Variants in KIAA2012 observed in about 807,000 individuals in gnomAD.
The protein encoded by KIAA2012 is uncharacterized protein KIAA2012.
In KIAA2012, 125 loss-of-function variants were observed where a neutral mutation model predicts 150.6. The ratio of observed to expected loss-of-function variants is 0.83; its 90% CI spans 0.72 to 0.96. The LOEUF (loss-of-function observed/expected upper bound fraction) is 0.96, where lower values mean the gene tolerates loss of function less well. KIAA2012 is among the 40% of genes least tolerant of loss of function. The pLI is 0.00. For synonymous variants in KIAA2012, 462 were observed against 504.7 expected, an observed-to-expected ratio of 0.92 and a Z score of 1.13; for missense variants, 1,219 against 1,354.9, an observed-to-expected ratio of 0.90 and a Z score of 1.57.
chr2:202,168,792 C>A (rs1192701595), intron 15 of KIAA2012, among the ~76,000 whole-genome samples: 1 of 152,118 alleles, frequency 6.6e-6, no homozygotes, highest in African/African-American at 2.4e-5. Context: ...GGGAACCCTG[C>A]ATGAGGTGCA....
intron 21 of KIAA2012, among the ~76,000 whole-genome samples, chr2:202,195,655 A>G (rs1692399863): frequency 6.6e-6 from 1 of 152,200 alleles, no homozygotes; most frequent in Non-Finnish European, 1.5e-5. Context: ...AGTAGTCTTT[A>G]ACCAACCTCT....
At chr2:202,184,250 G>A (rs1692180241) in intron 15 of KIAA2012, among the ~76,000 whole-genome samples, 2 of 152,002 alleles carry the variant, frequency 1.3e-5, no homozygotes, top group Non-Finnish European at 2.9e-5. Flanking sequence ...CGGGTGTGGT[G>A]GCACACACCT....
intron 2 of KIAA2012, among the ~76,000 whole-genome samples, chr2:202,080,876 T>A (rs1689437002): frequency 6.6e-6 from 1 of 152,200 alleles, no homozygotes; most frequent in South Asian, 2.1e-4. Flanking sequence ...TTAACCATTT[T>A]AGATGTACAG....
chr2:202,081,868 T>C (rs1689458191), intron 2 of KIAA2012, among the ~76,000 whole-genome samples: 1 of 152,148 alleles, frequency 6.6e-6, no homozygotes, highest in South Asian at 2.1e-4. Context: ...TATTTGATAA[T>C]AACCAGATCC....
At chr2:202,133,130 A>ATATATATTTTTTTTTTTTTT (rs1279080237) in intron 12 of KIAA2012, among the ~76,000 whole-genome samples, 2 of 67,778 alleles carry the variant, frequency 3.0e-5, no homozygotes, top group Non-Finnish European at 5.8e-5. Context: ...ATATATATAT[A>ATATATATTTTTTTTTTTTTT]TTTTTTTTTT....
chr2:202,122,574 C>T (rs928340442), intron 11 of KIAA2012, among the ~76,000 whole-genome samples: 2 of 149,886 alleles, frequency 1.3e-5, no homozygotes, highest in Non-Finnish European at 2.9e-5. Context: ...GATCTCGGCT[C>T]ACTGCAGCTT....
At chr2:202,128,918 A>G (rs1690860100) in intron 12 of KIAA2012, among the ~76,000 whole-genome samples, 3 of 152,146 alleles carry the variant, frequency 2.0e-5, no homozygotes, top group African/African-American at 4.8e-5. Context: ...TGCTAAGGGA[A>G]TAGATATAAC....
chr2:202,109,485 A>G lies in KIAA2012; in HGVS notation c.1475-128A>G, dbSNP rs1690289205. 9.4e-6 allele frequency: 7 copies of G among 748,334 alleles called. No homozygotes were observed. In the East Asian group the frequency reaches 1.4e-4, roughly 15 times the overall value. 46.4% of individuals were successfully genotyped at this position (748,334 alleles called of 1,614,324 possible). A position where few individuals can be genotyped will look rare whatever the true frequency, so the allele number is the denominator to read the frequency against. On this transcript the variant is annotated intron_variant, in intron 9 of 23. Coordinates refer to ENST00000498697, the MANE Select transcript of KIAA2012 (RefSeq NM_001277372.4). ...GGACAATTTCTCCCTTCTAGCCACA[A>G]TACAATTACCAGTTCTTCATAGCAG...
intron 16 of KIAA2012, among the ~76,000 whole-genome samples, chr2:202,185,620 A>T (rs1692212223): frequency 6.6e-6 from 1 of 152,176 alleles, no homozygotes; most frequent in South Asian, 2.1e-4. Flanking sequence ...CTCCACCAAA[A>T]AACACAAAAA....
chr2:202,130,522 A>C (rs1429781296), intron 12 of KIAA2012, among the ~76,000 whole-genome samples: 1 of 152,214 alleles, frequency 6.6e-6, no homozygotes, highest in African/African-American at 2.4e-5. Flanking sequence ...CTTCTGTCAG[A>C]GTGATCAAAA....
At chr2:202,173,109 T>G (rs1691926483) in intron 15 of KIAA2012, among the ~76,000 whole-genome samples, 1 of 152,240 alleles carries the variant, frequency 6.6e-6, no homozygotes, top group African/African-American at 2.4e-5. Context: ...CAGCCCAGAC[T>G]GGGGAAGTCC....
intron 2 of KIAA2012, among the ~76,000 whole-genome samples, chr2:202,079,116 AAATAT>A (rs1358484080): frequency 1.3e-5 from 2 of 152,174 alleles, no homozygotes; most frequent in Admixed American, 1.3e-4. Flanking sequence ...TCTTTTTACC[AAATAT>A]ATTTTTTAAA....
chr2:202,076,684 G>A (rs1176265966), intron 2 of KIAA2012, among the ~76,000 whole-genome samples: 3 of 152,162 alleles, frequency 2.0e-5, no homozygotes, highest in Admixed American at 2.0e-4. Context: ...AGGCCAGAGA[G>A]CTACTAAATG....
chr2:202,138,375 T>TATGTA (rs1428160214), intron 12 of KIAA2012, 57 bp from the exon 13 acceptor site: 2 of 1,273,724 alleles, frequency 1.6e-6, no homozygotes, highest in Non-Finnish European at 2.2e-6. Context: ...ATATAAAAAG[T>TATGTA]CATGAGATCC....
At position 202,108,266 on chromosome 2, in the gene KIAA2012, A is replaced by G. The variant is rs374733753; in HGVS notation, c.1475-1347A>G. ...AACCATCTGAGAGTAAGTTGCAGAC[A>G]TTGTACCATTAATCCCTTATCAGCA... On this transcript the variant is annotated intron_variant, in intron 9 of 23. Coordinates refer to ENST00000498697, the MANE Select transcript of KIAA2012 (RefSeq NM_001277372.4). 5.3e-5 allele frequency among the ~76,000 whole-genome samples: 8 copies of G among 152,226 alleles called. No homozygotes were observed. The East Asian group carries it at 7.7e-4, about 15-fold the overall frequency.
chr2:202,201,248 G>T, intron 22 of KIAA2012: 1 of 1,512,284 alleles, frequency 6.6e-7, no homozygotes, highest in East Asian at 2.4e-5. Context: ...CTGAAAGTTG[G>T]GGCACCAGAA....
intron 22 of KIAA2012, chr2:202,197,281 G>A (rs1690782651): frequency 3.8e-6 from 2 of 527,708 alleles, no homozygotes; most frequent in Non-Finnish European, 6.8e-6. Context: ...AAAAAAGCAA[G>A]TCCCAAAGAG....
intron 13 of KIAA2012, among the ~76,000 whole-genome samples, chr2:202,151,625 A>G (rs1014304339): frequency 5.9e-5 from 9 of 152,188 alleles, no homozygotes; most frequent in African/African-American, 2.2e-4. Flanking sequence ...GTCACCACCT[A>G]AAAGCATCAT....
chr2:202,175,109 C>T (rs79656425), intron 15 of KIAA2012, among the ~76,000 whole-genome samples: 1 of 151,626 alleles, frequency 6.6e-6, no homozygotes, highest in Admixed American at 6.6e-5. Context: ...TCTTTTTTTT[C>T]CCCCTTTTAG....
Sources: gnomAD v4.1 joint callset for allele counts (sites outside exome capture counted in the v4.1 genomes callset) on GRCh38, gnomAD v4.1.1 for gene constraint, MANE v1.5 for transcripts, NCBI Gene and HGNC (gene_info 2026-07-23, HGNC 2026-07-21) for gene names.